MEGF11: variants seen among roughly 807,000 people sequenced by gnomAD.
MEGF11 encodes the protein multiple epidermal growth factor-like domains protein 11.
A neutral mutation model predicts 146.6 loss-of-function variants in MEGF11; 126 were observed. The ratio of observed to expected loss-of-function variants is 0.86; its 90% CI spans 0.74 to 1.00. MEGF11 has a LOEUF of 1.00. MEGF11 is among the 50% of genes least tolerant of loss of function. MEGF11 has a pLI of 0.00. For synonymous variants in MEGF11, 532 were observed against 583.4 expected, an observed-to-expected ratio of 0.91 and a Z score of 1.27; for missense variants, 1,509 against 1,521.2, an observed-to-expected ratio of 0.99 and a Z score of 0.13.
intron 5 of MEGF11, among the ~76,000 whole-genome samples, chr15:65,988,008 C>CTTTTTT (rs35039801): frequency 2.0e-4 from 19 of 93,602 alleles, no homozygotes; most frequent in Non-Finnish European, 2.7e-4. Context: ...AGTACCCGGT[C>CTTTTTT]TTTTTTTTTT....
intron 5 of MEGF11, among the ~76,000 whole-genome samples, chr15:66,053,337 T>G (rs2140361254): frequency 6.6e-6 from 1 of 152,328 alleles, no homozygotes; most frequent in South Asian, 2.1e-4. Flanking sequence ...AGATGGGGAC[T>G]TAAATATTAC....
Position 65,918,095 on chromosome 15 carries a change from CTG to C in MEGF11, c.1958-3_1958-2del, listed in dbSNP as rs754410057. ...TGCCCAAAGTATCCTCCAGCACACACTGTGGGCACAGGGCAGCCTGGCACCCA... is the reference window on the plus strand; with the variant it reads ...TGCCCAAAGTATCCTCCAGCACACACTGGGCACAGGGCAGCCTGGCACCCA... On this transcript the variant is annotated splice_acceptor_variant and splice_polypyrimidine_tract_variant and intron_variant, in intron 15 of 25. Transcript: ENST00000395614. LOFTEE classifies it high-confidence loss of function. 5 of 1,613,830 alleles carry C rather than the reference CTG, an allele frequency of 3.1e-6. No individual in the cohort carries two copies. Among genetic ancestry groups the C allele is most frequent in the Admixed American group, 1.7e-5 (1 of 60,030 alleles).
chr15:66,005,784 G>A (rs1239621447), intron 5 of MEGF11, among the ~76,000 whole-genome samples: 2 of 152,198 alleles, frequency 1.3e-5, no homozygotes, highest in Non-Finnish European at 1.5e-5. Context: ...ACCAGGGATG[G>A]TATAAAGTGC....
chr15:66,221,104 A>T (rs550454605), intron 1 of MEGF11, among the ~76,000 whole-genome samples: 1 of 152,226 alleles, frequency 6.6e-6, no homozygotes, highest in African/African-American at 2.4e-5. Flanking sequence ...GTCTAAAATG[A>T]TTTCAAATTT....
At chr15:66,224,640 T>C (rs1202435413) in intron 1 of MEGF11, among the ~76,000 whole-genome samples, 1 of 134,324 alleles carries the variant, frequency 7.4e-6, no homozygotes, top group Non-Finnish European at 1.7e-5. Context: ...TTATTACTTA[T>C]TATATTATAT....
chr15:66,044,759 G>A (rs1029843793), intron 5 of MEGF11, among the ~76,000 whole-genome samples: 4 of 149,864 alleles, frequency 2.7e-5, no homozygotes, highest in Non-Finnish European at 3.0e-5. Context: ...AGGCTGAGGC[G>A]GGAGAATTGC....
chr15:65,987,862 C>T (rs1419105137), intron 5 of MEGF11, among the ~76,000 whole-genome samples: 1 of 151,904 alleles, frequency 6.6e-6, no homozygotes, highest in East Asian at 1.9e-4. Context: ...AGGCATGCGC[C>T]ACCATGCCTG....
intron 1 of MEGF11, among the ~76,000 whole-genome samples, chr15:66,149,325 T>C (rs1211870030): frequency 1.3e-5 from 2 of 152,258 alleles, no homozygotes; most frequent in Non-Finnish European, 2.9e-5. Context: ...TCTGCCTTCC[T>C]TGTGGCCTTG....
At chr15:66,220,526 G>GTT (rs33968918) in intron 1 of MEGF11, among the ~76,000 whole-genome samples, 11 of 115,124 alleles carry the variant, frequency 9.6e-5, no homozygotes, top group African/African-American at 1.3e-4. Context: ...GTTTCGTTGG[G>GTT]TTTTTTTTTT....
chr15:66,190,577 G>A (rs759132700), intron 1 of MEGF11, among the ~76,000 whole-genome samples: 3 of 152,152 alleles, frequency 2.0e-5, no homozygotes, highest in Non-Finnish European at 4.4e-5. Context: ...AGGAGTGGAG[G>A]AAGAGGGTTT....
chr15:66,129,317 C>A (rs2140966067), intron 1 of MEGF11, among the ~76,000 whole-genome samples: 1 of 152,334 alleles, frequency 6.6e-6, no homozygotes, highest in African/African-American at 2.4e-5. Flanking sequence ...AGGGTTGCGA[C>A]CTGGTGGGTC....
At chr15:66,187,795 G>A (rs1338165161) in intron 1 of MEGF11, among the ~76,000 whole-genome samples, 3 of 152,186 alleles carry the variant, frequency 2.0e-5, no homozygotes, top group East Asian at 1.9e-4. Context: ...AGAGTCCCAC[G>A]TGCTTCCTGA....
At chr15:65,956,117 C>T (rs1041198321) in intron 10 of MEGF11, among the ~76,000 whole-genome samples, 4 of 152,226 alleles carry the variant, frequency 2.6e-5, no homozygotes, top group African/African-American at 4.8e-5. Flanking sequence ...ATGCCTAGAC[C>T]AAATACATCA....
chr15:66,160,971 T>C (rs1333395411), intron 1 of MEGF11, among the ~76,000 whole-genome samples: 1 of 151,338 alleles, frequency 6.6e-6, no homozygotes, highest in Non-Finnish European at 1.5e-5. Flanking sequence ...AGGGGAGGAG[T>C]GCCCAGGTGC....
intron 10 of MEGF11, among the ~76,000 whole-genome samples, chr15:65,932,716 T>C (rs1415690292): frequency 1.3e-5 from 2 of 151,948 alleles, no homozygotes; most frequent in African/African-American, 4.8e-5. Flanking sequence ...CCCCAGGACA[T>C]GCTTCCCCAC....
At chr15:66,186,250 G>A (rs1432801934) in intron 1 of MEGF11, among the ~76,000 whole-genome samples, 1 of 152,212 alleles carries the variant, frequency 6.6e-6, no homozygotes, top group African/African-American at 2.4e-5. Flanking sequence ...GCTTCCCCTG[G>A]GGTCTGGAGT....
chr15:66,069,282 G>A (rs747172272), intron 5 of MEGF11, among the ~76,000 whole-genome samples: 57 of 152,226 alleles, frequency 3.7e-4, no homozygotes, highest in South Asian at 8.3e-4. Flanking sequence ...AACTTTATAT[G>A]TGATGCTTTT....
chr15:66,061,725 T>C (rs2084916784), intron 5 of MEGF11, among the ~76,000 whole-genome samples: 1 of 150,928 alleles, frequency 6.6e-6, no homozygotes, highest in African/African-American at 2.4e-5. Context: ...GGCCTCAAAT[T>C]TCTGGGCTCA....
intron 1 of MEGF11, among the ~76,000 whole-genome samples, chr15:66,187,473 G>A (rs548484433): frequency 6.6e-6 from 1 of 152,332 alleles, no homozygotes; most frequent in South Asian, 2.1e-4. Flanking sequence ...ACAACCCTGA[G>A]ACTGGCCACA....
Sources: gnomAD v4.1 joint callset for allele counts (sites outside exome capture counted in the v4.1 genomes callset) on GRCh38, gnomAD v4.1.1 for gene constraint, MANE v1.5 for transcripts, NCBI Gene and HGNC (gene_info 2026-07-23, HGNC 2026-07-21) for gene names.